The following DMD variants were observed in gnomAD, a reference collection of about 807,000 sequenced individuals.
DMD encodes dystrophin.
Under a neutral mutation model 330.1 loss-of-function variants are expected in DMD, and 63 were observed. That is an observed-to-expected ratio of 0.19 (90% CI 0.16 to 0.24). DMD has a LOEUF of 0.24. Among genes scored for constraint, DMD ranks in the 10% least tolerant of loss-of-function variants. DMD has a pLI of 1.00. For missense variants in DMD, 3,344 were observed against 2,684.1 expected (o/e 1.25, Z -5.43); for synonymous variants, 1,223 against 959.8 (o/e 1.27, Z -5.07).
rs766746479 is a variant in DMD, at chrX:32,346,065, C to T, written c.5464G>A (p.Gly1822Ser). ...CTTTGCAACAATTCTTTTACAGTAC[C>T]CTCATTGTCTTCATTCTGATCAAAA... ...FNKDMNEDNE[G>S]TVKELLQRGD... The change falls in exon 39 of 79, where the codon GGT (glycine) becomes AGT (serine). Residue 1822 changes from glycine (G) to serine (S), a missense_variant. Gly to Ser is a moderately conservative substitution (Grantham distance 56). Coordinates refer to ENST00000357033, the MANE Select transcript of DMD (RefSeq NM_004006.3). 48 of 1,207,545 alleles carry T rather than the reference C, an allele frequency of 4.0e-5. No individual in the cohort carries two copies. The Middle Eastern group carries it at 6.9e-4, about 17-fold the overall frequency.
At chrX:32,791,628 T>C (rs921276994) in intron 7 of DMD, among the ~76,000 whole-genome samples, 15 of 111,909 alleles carry the variant, frequency 1.3e-4, no homozygotes, top group African/African-American at 3.9e-4. Context: ...GGAGACTAGA[T>C]AAAACAGAAG....
At chrX:32,208,230 C>A (rs2097079004) in intron 44 of DMD, among the ~76,000 whole-genome samples, 1 of 112,280 alleles carries the variant, frequency 8.9e-6, no homozygotes, top group Non-Finnish European at 1.9e-5. Context: ...GACCCAACAA[C>A]ACTTAGAGTG....
intron 30 of DMD, among the ~76,000 whole-genome samples, chrX:32,400,905 A>T (rs181269991): frequency 2.3e-3 from 258 of 110,226 alleles, no homozygotes; most frequent in Admixed American, 4.9e-3. Flanking sequence ...GGCACTATTC[A>T]CAATAGCAAA....
intron 61 of DMD, among the ~76,000 whole-genome samples, chrX:31,346,047 G>A (rs1013926713): frequency 9.0e-5 from 10 of 110,877 alleles, no homozygotes; most frequent in South Asian, 4.0e-4. Context: ...TTATTAACCC[G>A]TGGAGAATGG....
At chrX:33,053,367 G>A (rs1025300433) in intron 1 of DMD, among the ~76,000 whole-genome samples, 1 of 110,907 alleles carries the variant, frequency 9.0e-6, no homozygotes, top group African/African-American at 3.3e-5. Context: ...AGGCTGAGGC[G>A]GGCGGATCAC....
chrX:32,706,609 C>G (rs1204572042), intron 7 of DMD, among the ~76,000 whole-genome samples: 2 of 110,812 alleles, frequency 1.8e-5, no homozygotes, highest in African/African-American at 6.6e-5. Context: ...AACAGTGGCT[C>G]AAAATGCATA....
At chrX:32,887,681 G>A (rs2084746569) in intron 2 of DMD, among the ~76,000 whole-genome samples, 1 of 97,373 alleles carries the variant, frequency 1.0e-5, no homozygotes, top group Non-Finnish European at 2.0e-5. Context: ...CCGGAAGGTG[G>A]AGGTTGCTGT....
rs55792226 is a variant in DMD at position 32,352,139 on chromosome X, T to A, written c.5326-3611A>T. On this transcript the variant is annotated intron_variant, in intron 37 of 78. Coordinates refer to ENST00000357033, the MANE Select transcript of DMD (RefSeq NM_004006.3). ...CAACTGATGAGGACTGCAATTTTTT[T>A]AAAAACACTGATTTTCAAGTAATGC... is the stretch of plus-strand genomic sequence containing the variant. Among the ~76,000 whole-genome samples, 432 of 110,883 alleles carry A rather than the reference T, an allele frequency of 3.9e-3. 6 individuals are homozygous for A. Among genetic ancestry groups the A allele is most frequent in the Middle Eastern group, 0.014 (3 of 215 alleles).
At chrX:32,572,015 G>T (rs185938298) in intron 15 of DMD, among the ~76,000 whole-genome samples, 93 of 111,800 alleles carry the variant, frequency 8.3e-4, no homozygotes, top group Non-Finnish European at 1.4e-3. Flanking sequence ...ATCAGCTGCA[G>T]GCCAAAACTA....
chrX:31,690,092 T>TGGCAA (rs1263607617), intron 52 of DMD, among the ~76,000 whole-genome samples: 2 of 111,775 alleles, frequency 1.8e-5, no homozygotes, highest in Non-Finnish European at 1.9e-5. Flanking sequence ...CCAAAAGCAA[T>TGGCAA]GGCAACAAAA....
At chrX:31,890,156 GA>G (rs1047982631) in intron 47 of DMD, among the ~76,000 whole-genome samples, 1 of 108,809 alleles carries the variant, frequency 9.2e-6, no homozygotes, top group Non-Finnish European at 1.9e-5. Flanking sequence ...TTCAGGGGGG[GA>G]AAGAAAGGGA....
chrX:31,393,602 A>G (rs762967513), intron 60 of DMD, among the ~76,000 whole-genome samples: 1 of 111,613 alleles, frequency 9.0e-6, no homozygotes, highest in African/African-American at 3.2e-5. Flanking sequence ...CATCATATCA[A>G]CAACTAGAAA....
At chrX:32,497,532 C>G in intron 19 of DMD, among the ~76,000 whole-genome samples, 1 of 111,809 alleles carries the variant, frequency 8.9e-6, no homozygotes. Flanking sequence ...ATCTTAGAGA[C>G]TAAAGAACGA....
chrX:32,419,092 G>A (rs1475118224), intron 29 of DMD, among the ~76,000 whole-genome samples: 2 of 109,574 alleles, frequency 1.8e-5, no homozygotes, highest in African/African-American at 6.7e-5. Flanking sequence ...AATTTCATAT[G>A]GTGTTAAGTA....
At chrX:31,676,458 A>C (rs1470820226) in intron 53 of DMD, among the ~76,000 whole-genome samples, 2 of 112,156 alleles carry the variant, frequency 1.8e-5, no homozygotes, top group South Asian at 3.7e-4. Context: ...TATAATATGA[A>C]ATTTTTTTTC....
At chrX:32,736,043 C>A (rs777594568) in intron 7 of DMD, among the ~76,000 whole-genome samples, 2 of 111,731 alleles carry the variant, frequency 1.8e-5, no homozygotes, top group African/African-American at 6.5e-5. Flanking sequence ...TATCCAGAAT[C>A]TACAATGAAC....
At chrX:31,730,102 T>G (rs192976578) in intron 51 of DMD, among the ~76,000 whole-genome samples, 1 of 111,647 alleles carries the variant, frequency 9.0e-6, no homozygotes, top group Admixed American at 9.5e-5. Context: ...TTTATACTTA[T>G]AATATCATTC....
intron 29 of DMD, among the ~76,000 whole-genome samples, chrX:32,431,588 C>CTCT (rs1347899463): frequency 9.0e-6 from 1 of 110,844 alleles, no homozygotes; most frequent in Non-Finnish European, 1.9e-5. Flanking sequence ...TCTGTACATT[C>CTCT]TCTTTTAGTT....
intron 52 of DMD, among the ~76,000 whole-genome samples, chrX:31,704,922 T>C (rs1393762633): frequency 1.8e-5 from 2 of 112,486 alleles, no homozygotes; most frequent in African/African-American, 3.2e-5. Flanking sequence ...AATTACATAA[T>C]TGAGTATTCA....
Sources: gnomAD v4.1 joint callset for allele counts (sites outside exome capture counted in the v4.1 genomes callset) on GRCh38, gnomAD v4.1.1 for gene constraint, MANE v1.5 for transcripts, NCBI Gene and HGNC (gene_info 2026-07-23, HGNC 2026-07-21) for gene names.